Variants in NFU1 observed in about 807,000 individuals in gnomAD.
The protein encoded by NFU1 is NFU1 iron-sulfur cluster scaffold homolog, mitochondrial.
A neutral mutation model predicts 32.2 loss-of-function variants in NFU1; 30 were observed. The observed-to-expected ratio is 0.93, with a 90% CI of 0.70 to 1.26. The LOEUF (loss-of-function observed/expected upper bound fraction) is 1.26, where lower values mean the gene tolerates loss of function less well. Among genes scored for constraint, NFU1 ranks in the 50% most tolerant of loss-of-function variants. The pLI is 0.00. For synonymous variants in NFU1, 112 were observed against 104.6 expected (o/e 1.07, Z -0.43); for missense variants, 306 against 306.6 (o/e 1.00, Z 0.02).
chr2:69,439,141 CTT>C (rs1488194970), upstream of NFU1, among the ~76,000 whole-genome samples: 1 of 152,092 alleles, frequency 6.6e-6, no homozygotes, highest in Non-Finnish European at 1.5e-5. Flanking sequence ...GGTCTGCACT[CTT>C]AGTCTCTAGT....
upstream of NFU1, among the ~76,000 whole-genome samples, chr2:69,438,862 C>G (rs1425977262): frequency 1.8e-5 from 2 of 111,376 alleles, no homozygotes; most frequent in African/African-American, 5.8e-5. Context: ...CTTCCCCCAT[C>G]CAACCCCCCA....
intron 2 of NFU1, among the ~76,000 whole-genome samples, chr2:69,424,170 C>CAAAAAAAAAA (rs57078704): frequency 2.3e-5 from 1 of 42,936 alleles, no homozygotes. Context: ...GACTCTGTCT[C>CAAAAAAAAAA]AAAAAAAAAA....
At chr2:69,428,812 C>T (rs1673547258) in intron 2 of NFU1, among the ~76,000 whole-genome samples, 1 of 152,090 alleles carries the variant, frequency 6.6e-6, no homozygotes. Flanking sequence ...TTAAATTTGG[C>T]AAAACATATG....
rs1028762417 is a variant in NFU1, at chr2:69,423,172, G to A, written c.302+410C>T. 2.4e-4 allele frequency among the ~76,000 whole-genome samples: 23 copies of A among 97,532 alleles called. 1 individual carries two copies. The highest frequency in any genetic ancestry group is 1.4e-3 in the South Asian group (4 of 2,908). The allele number at this position is 97,532 out of a possible 152,430, so 64.0% of individuals were successfully genotyped here. Reference sequence around the variant, plus strand: ...TGTGTGTGTGTGTGTGTGTGTATGTGTGTGTGTGTGTGGTGAGATGGGCTG... The same window carrying A: ...TGTGTGTGTGTGTGTGTGTGTATGTATGTGTGTGTGTGGTGAGATGGGCTG... On this transcript the variant is annotated intron_variant, in intron 3 of 7. Transcript: ENST00000410022.
chr2:69,438,672 G>A (rs921340793), upstream of NFU1, among the ~76,000 whole-genome samples: 2 of 152,132 alleles, frequency 1.3e-5, no homozygotes, highest in East Asian at 1.9e-4. Flanking sequence ...ACCTGTTGTT[G>A]AACAGGTTGA....
chr2:69,439,477 C>A (rs58764134), upstream of NFU1, among the ~76,000 whole-genome samples: 1 of 152,146 alleles, frequency 6.6e-6, no homozygotes, highest in Non-Finnish European at 1.5e-5. Flanking sequence ...AAAGACAGCA[C>A]GGGCCCAAAG....
intron 1 of NFU1, among the ~76,000 whole-genome samples, chr2:69,432,782 C>T (rs908659233): frequency 2.6e-5 from 4 of 151,548 alleles, no homozygotes; most frequent in Non-Finnish European, 4.4e-5. Context: ...CTGTCCCTTA[C>T]GTTTCCCTCT....
chr2:69,396,115 C>A, downstream of NFU1: 1 of 739,628 alleles, frequency 1.4e-6, no homozygotes, highest in South Asian at 1.7e-5. Context: ...AGCAAACATG[C>A]AATATTTATA....
upstream of NFU1, among the ~76,000 whole-genome samples, chr2:69,438,913 CA>C (rs1208712394): frequency 8.7e-4 from 112 of 128,076 alleles, 1 homozygote; most frequent in African/African-American, 3.3e-3. Context: ...CCCACCCCCC[CA>C]CACACACCCA....
intron 2 of NFU1, among the ~76,000 whole-genome samples, chr2:69,426,631 A>C (rs1177049973): frequency 1.3e-5 from 2 of 152,214 alleles, no homozygotes; most frequent in Non-Finnish European, 2.9e-5. Flanking sequence ...GATTAGATTG[A>C]GAATGGATTC....
At chr2:69,436,059 C>T (rs950846809) in intron 1 of NFU1, among the ~76,000 whole-genome samples, 4 of 151,994 alleles carry the variant, frequency 2.6e-5, no homozygotes, top group Non-Finnish European at 5.9e-5. Flanking sequence ...CTTTAAATTA[C>T]ATGAATCTAT....
chr2:69,438,588 T>G (rs1286326126), upstream of NFU1, among the ~76,000 whole-genome samples: 1 of 152,152 alleles, frequency 6.6e-6, no homozygotes, highest in African/African-American at 2.4e-5. Flanking sequence ...CTTCCCAGGA[T>G]TCTGATGCCA....
At chr2:69,411,568 T>G (rs12466680) in intron 5 of NFU1, among the ~76,000 whole-genome samples, 19,816 of 152,070 alleles carry the variant, frequency 0.13, 1,426 homozygotes, top group Non-Finnish European at 0.16. Context: ...TTCAGAATAT[T>G]TATATATATA....
At chr2:69,434,741 A>T (rs1464040735) in intron 1 of NFU1, among the ~76,000 whole-genome samples, 2 of 152,212 alleles carry the variant, frequency 1.3e-5, no homozygotes, top group Non-Finnish European at 2.9e-5. Flanking sequence ...GATACTGCTA[A>T]TTCATCAAGA....
intron 2 of NFU1, among the ~76,000 whole-genome samples, chr2:69,426,223 C>T (rs566085824): frequency 2.0e-5 from 3 of 152,078 alleles, no homozygotes; most frequent in South Asian, 2.1e-4. Context: ...CCATCCGCCT[C>T]GGCCTCCCAA....
chr2:69,411,871 G>A (rs529442851), intron 5 of NFU1, among the ~76,000 whole-genome samples: 1 of 152,312 alleles, frequency 6.6e-6, no homozygotes, highest in South Asian at 2.1e-4. Context: ...GGGATCACAG[G>A]TGTGGGGCGT....
chr2:69,431,903 T>A lies in NFU1; in HGVS notation c.165A>T (p.Pro55=), dbSNP rs535080528. 6.2e-7 allele frequency: 1 copy of A among 1,600,972 alleles called. No homozygotes were observed. Among genetic ancestry groups the A allele is most frequent in the South Asian group, 1.1e-5 (1 of 90,772 alleles). Residue 55 remains proline, a splice_region_variant and synonymous_variant, in exon 2 of 8, where the codon CCA becomes CCT. Coordinates refer to ENST00000410022, the MANE Select transcript of NFU1 (RefSeq NM_001002755.4). ...GCTATAAAAGAGGTGAAATTTTACC[T>A]GGGTGATAAAAGGCTGCAGGTAGTG... The part of the protein sequence containing the change: ...LFPLPAAFYH[P]VRYMFIQTQD...
At chr2:69,412,620 C>T (rs1233435447) in intron 5 of NFU1, among the ~76,000 whole-genome samples, 4 of 152,096 alleles carry the variant, frequency 2.6e-5, no homozygotes, top group South Asian at 4.1e-4. Flanking sequence ...CTCCTGACCT[C>T]GTGATCCACC....
chr2:69,408,784 A>G (rs1196876454), intron 5 of NFU1, among the ~76,000 whole-genome samples: 1 of 145,964 alleles, frequency 6.9e-6, no homozygotes, highest in Non-Finnish European at 1.5e-5. Flanking sequence ...ACACACATAC[A>G]TACATCAATG....
Sources: allele counts gnomAD v4.1 joint callset (sites outside exome capture counted in the v4.1 genomes callset), GRCh38; gene constraint gnomAD v4.1.1; transcripts MANE v1.5; gene names NCBI Gene and HGNC (gene_info 2026-07-23, HGNC 2026-07-21).